Variants in ERBB4 observed in about 807,000 individuals in gnomAD.
ERBB4 encodes the protein erb-b2 receptor tyrosine kinase 4.
Under a neutral mutation model 158.0 loss-of-function variants are expected in ERBB4, and 42 were observed. That is an observed-to-expected ratio of 0.27 (90% confidence interval 0.21 to 0.34). The LOEUF (loss-of-function observed/expected upper bound fraction) is 0.34. Ranked by LOEUF, ERBB4 falls within the 10% of genes least tolerant of loss-of-function variation. ERBB4 has a pLI of 1.00. For missense variants in ERBB4, 1,333 were observed against 1,624.1 expected (o/e 0.82, Z 3.08); for synonymous variants, 583 against 558.7 (o/e 1.04, Z -0.61).
At chr2:211,855,902 A>T (rs2077846205) in intron 3 of ERBB4, among the ~76,000 whole-genome samples, 1 of 152,204 alleles carries the variant, frequency 6.6e-6, no homozygotes. Context: ...TAAGATACTT[A>T]TGTATGTAGA....
At chr2:211,464,843 C>T (rs956254289) in intron 20 of ERBB4, among the ~76,000 whole-genome samples, 1 of 151,884 alleles carries the variant, frequency 6.6e-6, no homozygotes, top group Admixed American at 6.6e-5. Context: ...TGAAGTCCCA[C>T]AGTGATGTTA....
intron 4 of ERBB4, among the ~76,000 whole-genome samples, chr2:211,763,274 G>A (rs2075461838): frequency 6.6e-6 from 1 of 152,096 alleles, no homozygotes; most frequent in African/African-American, 2.4e-5. Context: ...GTGTAGTATG[G>A]TCTCCATGGA....
intron 25 of ERBB4, among the ~76,000 whole-genome samples, chr2:211,397,592 T>G (rs774411626): frequency 2.6e-5 from 4 of 152,156 alleles, no homozygotes; most frequent in Non-Finnish European, 5.9e-5. Context: ...CCTTAGATTG[T>G]CCACCTGAGC....
chr2:211,429,602 A>G (rs1417547017), intron 21 of ERBB4, among the ~76,000 whole-genome samples: 2 of 152,242 alleles, frequency 1.3e-5, no homozygotes, highest in African/African-American at 4.8e-5. Context: ...GAATAAAGAT[A>G]AACACTTCTA....
At position 211,477,312 on chromosome 2, in the gene ERBB4, T is replaced by TC. The variant is rs1491252212; in HGVS notation, c.2488-46213_2488-46212insG. Among the ~76,000 whole-genome samples the TC allele has an allele frequency of 6.3e-4, 92 of 145,030 alleles. 1 individual carries two copies. In the Middle Eastern group the frequency reaches 0.014, roughly 22 times the overall value. ...ATTCCTTAAAATCTCTCTCTCTCTC[T>TC]TTCTCTCTCTCTCTCTCCTACACAT... On this transcript the variant is annotated intron_variant, in intron 20 of 27. Coordinates refer to ENST00000342788, the MANE Select transcript of ERBB4 (RefSeq NM_005235.3).
At chr2:212,019,328 T>C (rs2076595415) in intron 2 of ERBB4, among the ~76,000 whole-genome samples, 1 of 152,170 alleles carries the variant, frequency 6.6e-6, no homozygotes, top group African/African-American at 2.4e-5. Flanking sequence ...ACCTTATTTT[T>C]CCATATGTGT....
intron 20 of ERBB4, among the ~76,000 whole-genome samples, chr2:211,463,789 C>T (rs1041513495): frequency 5.9e-5 from 9 of 152,056 alleles, no homozygotes; most frequent in East Asian, 3.9e-4. Context: ...CCAGACATTG[C>T]TTCATTCAAA....
intron 1 of ERBB4, among the ~76,000 whole-genome samples, chr2:212,475,582 G>A (rs916483938): frequency 6.6e-6 from 1 of 152,016 alleles, no homozygotes; most frequent in African/African-American, 2.4e-5. Context: ...TCAATTATAA[G>A]AATATGCTAT....
chr2:212,181,470 T>C (rs1156860260), intron 1 of ERBB4, among the ~76,000 whole-genome samples: 1 of 150,214 alleles, frequency 6.7e-6, no homozygotes, highest in African/African-American at 2.4e-5. Context: ...TGAAAACCTA[T>C]AAATAATTTC....
chr2:212,260,081 A>AAG (rs1553606479), intron 1 of ERBB4, among the ~76,000 whole-genome samples: 4 of 148,896 alleles, frequency 2.7e-5, no homozygotes, highest in Non-Finnish European at 5.9e-5. Context: ...AAAAAAAAAA[A>AAG]AAAAGAAAAG....
intron 2 of ERBB4, among the ~76,000 whole-genome samples, chr2:212,086,438 C>T (rs1192570273): frequency 4.6e-5 from 7 of 151,094 alleles, no homozygotes; most frequent in Non-Finnish European, 1.0e-4. Flanking sequence ...TATGCATTAC[C>T]GCCTCTAAGA....
chr2:211,561,971 A>G lies in ERBB4; in HGVS notation c.2419T>C (p.Tyr807His). 2 of 1,614,098 alleles carry G rather than the reference A, an allele frequency of 1.2e-6. No individual in the cohort carries two copies. The highest frequency in any genetic ancestry group is 1.7e-6 in the Non-Finnish European group (2 of 1,180,020). Residue 807 changes from tyrosine to histidine, a missense_variant, in exon 20 of 28, where the codon TAT becomes CAT. Around this residue, in one of 5 missense-constraint regions of ERBB4, gnomAD observed 314 missense variants for 437.6 expected, o/e 0.72. Coordinates refer to ENST00000342788, the MANE Select transcript of ERBB4 (RefSeq NM_005235.3). The part of the protein sequence containing the change: ...QLMPHGCLLE[Y>H]VHEHKDNIGS... ...ATGTTATCCTTGTGCTCGTGGACATACTCCAACAGGCAGCCATGGGGCATA... is the reference window on the plus strand; with the variant it reads ...ATGTTATCCTTGTGCTCGTGGACATGCTCCAACAGGCAGCCATGGGGCATA...
intron 1 of ERBB4, among the ~76,000 whole-genome samples, chr2:212,300,266 C>A (rs1162289363): frequency 6.6e-6 from 1 of 151,626 alleles, no homozygotes. Flanking sequence ...TATCAACTTG[C>A]ACACTATGCT....
chr2:212,069,935 T>C (rs1358714266), intron 2 of ERBB4, among the ~76,000 whole-genome samples: 5 of 150,980 alleles, frequency 3.3e-5, no homozygotes, highest in Non-Finnish European at 5.9e-5. Context: ...CTGGGCAACA[T>C]AGTAAGAACC....
intron 1 of ERBB4, among the ~76,000 whole-genome samples, chr2:212,218,148 A>G (rs2083163203): frequency 6.6e-6 from 1 of 151,356 alleles, no homozygotes; most frequent in Admixed American, 6.6e-5. Flanking sequence ...GCTGCTTTAG[A>G]AATATTGGCA....
At chr2:211,974,789 T>A (rs960069943) in intron 2 of ERBB4, among the ~76,000 whole-genome samples, 10 of 152,144 alleles carry the variant, frequency 6.6e-5, no homozygotes, top group Non-Finnish European at 1.3e-4. Context: ...ATTTTTCTCA[T>A]CATAGAAAAA....
chr2:211,620,428 A>G (rs2069555971), intron 18 of ERBB4, among the ~76,000 whole-genome samples: 1 of 152,234 alleles, frequency 6.6e-6, no homozygotes, highest in Non-Finnish European at 1.5e-5. Context: ...TTTATGCTAC[A>G]ACATATGTAT....
chr2:211,564,763 A>G (rs2125729382), intron 19 of ERBB4, among the ~76,000 whole-genome samples: 1 of 152,324 alleles, frequency 6.6e-6, no homozygotes, highest in East Asian at 1.9e-4. Context: ...TACAGTGAAT[A>G]ATTTTCTAGA....
intron 1 of ERBB4, among the ~76,000 whole-genome samples, chr2:212,304,188 A>T (rs1046655362): frequency 6.6e-6 from 1 of 151,560 alleles, no homozygotes; most frequent in Non-Finnish European, 1.5e-5. Flanking sequence ...GGAAGAAGAA[A>T]TTATAAAATA....
Sources: allele counts gnomAD v4.1 joint callset (sites outside exome capture counted in the v4.1 genomes callset), GRCh38; gene constraint gnomAD v4.1.1; regional missense constraint gnomAD v4.1.1; transcripts MANE v1.5; gene names NCBI Gene and HGNC (gene_info 2026-07-23, HGNC 2026-07-21).